Variants in C12orf54 observed in about 807,000 individuals in gnomAD.
C12orf54 encodes chromosome 12 open reading frame 54, also known as uncharacterized protein C12orf54.
Under a neutral mutation model 26.4 loss-of-function variants are expected in C12orf54, and 24 were observed. That is an observed-to-expected ratio of 0.91 (90% CI 0.66 to 1.28). The LOEUF is 1.28. C12orf54 is among the 50% of genes most tolerant of loss of function. The probability of loss-of-function intolerance (pLI) is 0.00; values close to 1 mark genes in which losing one functional copy is unlikely to be tolerated. For missense variants in C12orf54, 154 were observed against 150.9 expected (o/e 1.02, Z -0.11); for synonymous variants, 54 against 47.0 (o/e 1.15, Z -0.61).
At chr12:48,486,440 G>A (rs1013506641) in intron 3 of C12orf54, 1 of 623,654 alleles carries the variant, frequency 1.6e-6, no homozygotes, top group African/African-American at 1.8e-5. Context: ...GCATTGAAAA[G>A]ATGGTAAACA....
chr12:48,437,179 C>T, the C12orf54 span, among the ~76,000 whole-genome samples: 3 of 152,198 alleles, frequency 2.0e-5, no homozygotes, highest in Non-Finnish European at 2.9e-5. Flanking sequence ...TGGACACATA[C>T]ATCCTCCCAA....
chr12:48,488,480 C>CAAA, intron 4 of C12orf54: 1 of 221,856 alleles, frequency 4.5e-6, no homozygotes, highest in Admixed American at 7.0e-5. Context: ...AAACTTACAG[C>CAAA]CAAAAAAAAA....
the C12orf54 span, among the ~76,000 whole-genome samples, chr12:48,420,309 A>G: frequency 1.1e-3 from 174 of 152,326 alleles, no homozygotes; most frequent in African/African-American, 4.0e-3. Flanking sequence ...ATTTCCTTAT[A>G]TGTATGGATG....
chr12:48,464,594 A>G, the C12orf54 span, among the ~76,000 whole-genome samples: 1 of 152,172 alleles, frequency 6.6e-6, no homozygotes, highest in Non-Finnish European at 1.5e-5. Context: ...GGAACCAAAA[A>G]AGTGCCCATA....
chr12:48,434,130 C>A, the C12orf54 span, among the ~76,000 whole-genome samples: 2 of 152,332 alleles, frequency 1.3e-5, no homozygotes, highest in Admixed American at 6.5e-5. Flanking sequence ...ACACATGACT[C>A]GGAGGGTCCT....
At chr12:48,474,422 A>T in the C12orf54 span, among the ~76,000 whole-genome samples, 1 of 152,202 alleles carries the variant, frequency 6.6e-6, no homozygotes, top group Admixed American at 6.5e-5. Context: ...CACACAGTGC[A>T]TGACCCGAAG....
the C12orf54 span, among the ~76,000 whole-genome samples, chr12:48,428,778 C>T: frequency 1.3e-5 from 2 of 152,086 alleles, no homozygotes; most frequent in East Asian, 3.9e-4. Flanking sequence ...CACCATTCCA[C>T]AAGACAGAGA....
chr12:48,452,283 C>A, the C12orf54 span, among the ~76,000 whole-genome samples: 1 of 151,960 alleles, frequency 6.6e-6, no homozygotes, highest in African/African-American at 2.4e-5. Context: ...CCTAGCCATA[C>A]GCAGATAGTT....
the C12orf54 span, among the ~76,000 whole-genome samples, chr12:48,461,873 T>C: frequency 1.3e-5 from 2 of 151,572 alleles, no homozygotes; most frequent in African/African-American, 2.4e-5. Context: ...GAAGAAATAA[T>C]AAATATAAAA....
At chr12:48,430,824 T>A in the C12orf54 span, among the ~76,000 whole-genome samples, 1 of 152,118 alleles carries the variant, frequency 6.6e-6, no homozygotes, top group African/African-American at 2.4e-5. Context: ...AATCAATCAT[T>A]ACACAAAAAA....
At chr12:48,444,954 C>T in the C12orf54 span, among the ~76,000 whole-genome samples, 8 of 152,074 alleles carry the variant, frequency 5.3e-5, no homozygotes, top group Non-Finnish European at 7.4e-5. Context: ...GGGCGGATCA[C>T]GAGGTCAGGA....
chr12:48,429,003 C>T, the C12orf54 span, among the ~76,000 whole-genome samples: 75 of 152,024 alleles, frequency 4.9e-4, no homozygotes, highest in African/African-American at 1.3e-3. Flanking sequence ...GATGCAGAGA[C>T]GGTTTAACAT....
At chr12:48,481,498 T>C (rs989665027), upstream of C12orf54, among the ~76,000 whole-genome samples, 1 of 152,164 alleles carries the variant, frequency 6.6e-6, no homozygotes, top group Non-Finnish European at 1.5e-5. Flanking sequence ...AGAGGGTCCA[T>C]GGTGGTCTCA....
At chr12:48,429,575 C>CAA in the C12orf54 span, among the ~76,000 whole-genome samples, 406 of 142,604 alleles carry the variant, frequency 2.8e-3, 1 homozygote, top group African/African-American at 7.5e-3. Context: ...ACAATAGCTG[C>CAA]AAAAAAAAAA....
the C12orf54 span, among the ~76,000 whole-genome samples, chr12:48,430,835 G>A: frequency 6.6e-6 from 1 of 152,182 alleles, no homozygotes; most frequent in South Asian, 2.1e-4. Context: ...ACACAAAAAA[G>A]ATACTTGCAC....
chr12:48,451,603 G>T, the C12orf54 span, among the ~76,000 whole-genome samples: 1 of 152,160 alleles, frequency 6.6e-6, no homozygotes, highest in Admixed American at 6.5e-5. Context: ...AATCATCTCA[G>T]CCCAAAAGCT....
chr12:48,479,123 C>T (rs1314173711), upstream of C12orf54, among the ~76,000 whole-genome samples: 4 of 152,156 alleles, frequency 2.6e-5, no homozygotes, highest in Admixed American at 2.6e-4. Context: ...AAATGTCCAA[C>T]AATGATAGAC....
chr12:48,473,032 G>T, the C12orf54 span: 1 of 1,614,104 alleles, frequency 6.2e-7, no homozygotes, highest in Non-Finnish European at 8.5e-7. Flanking sequence ...CTTTTCACTT[G>T]CGAGGTAACC....
the C12orf54 span, chr12:48,472,744 G>A: frequency 1.9e-5 from 31 of 1,614,192 alleles, no homozygotes; most frequent in Non-Finnish European, 2.6e-5. Flanking sequence ...CTGGACAACA[G>A]TCAGTCAAAT....
Sources: gnomAD v4.1 joint callset for allele counts (sites outside exome capture counted in the v4.1 genomes callset) on GRCh38, gnomAD v4.1.1 for gene constraint, MANE v1.5 for transcripts, NCBI Gene and HGNC (gene_info 2026-07-23, HGNC 2026-07-21) for gene names.